Variants in DNAH10 observed in about 807,000 individuals in gnomAD.
DNAH10 encodes the protein dynein axonemal heavy chain 10.
In DNAH10, 348 loss-of-function variants were observed where a neutral mutation model predicts 506.6. The observed-to-expected ratio is 0.69, with a 90% CI of 0.63 to 0.75. DNAH10 has a LOEUF of 0.75. Ranked by LOEUF, DNAH10 falls within the 30% of genes least tolerant of loss-of-function variation. The pLI, the probability that DNAH10 is intolerant of heterozygous loss-of-function variation, is 0.00. For missense variants in DNAH10, 5,179 were observed against 5,787.1 expected, an observed-to-expected ratio of 0.89 and a Z score of 3.41; for synonymous variants, 2,059 against 2,198.6, an observed-to-expected ratio of 0.94 and a Z score of 1.78.
At chr12:123,797,171 C>T (rs1255766435) in intron 13 of DNAH10, among the ~76,000 whole-genome samples, 1 of 152,026 alleles carries the variant, frequency 6.6e-6, no homozygotes, top group Non-Finnish European at 1.5e-5. Flanking sequence ...GCACCCGGCC[C>T]TGTATTTAAT....
chr12:123,879,305 A>T lies in DNAH10; in HGVS notation c.8414A>T (p.Glu2805Val). ...CAGATGGTGAGAGTCTGGAGGAATG[A>T]GTGTCTGAGAGTCTTCCACGACCGG... Reference protein sequence around the residue: ...VAQMVRVWRNECLRVFHDRLI... With the variant: ...VAQMVRVWRNVCLRVFHDRLI... Residue 2805 changes from glutamate to valine, a missense_variant, in exon 49 of 79, where the codon GAG becomes GTG. This residue lies in a region of DNAH10 where 4,844 missense variants were observed against 5,430.5 expected (regional missense o/e 0.89). Coordinates refer to ENST00000673944, the MANE Select transcript of DNAH10 (RefSeq NM_001372106.1). 1 of 1,580,208 alleles carries T rather than the reference A, an allele frequency of 6.3e-7. No homozygotes were observed. The highest frequency in any genetic ancestry group is 8.6e-7 in the Non-Finnish European group (1 of 1,162,552).
intron 5 of DNAH10, 71 bp from the exon 6 acceptor site, chr12:123,781,009 A>C (rs1171869413): frequency 8.3e-7 from 1 of 1,207,608 alleles, no homozygotes; most frequent in African/African-American, 1.6e-5. Flanking sequence ...ATTCAAAACC[A>C]GAGGCAATTT....
At position 123,876,370 on chromosome 12, in the gene DNAH10, C is replaced by T. The variant is rs141811474; in HGVS notation, c.8199+879C>T. Reference sequence around the variant, plus strand: ...AAATCAGGCCCGGTGCAGTGGCTCACGCCTGTAATCCCAGCACTTTGGGAG... The same window carrying T: ...AAATCAGGCCCGGTGCAGTGGCTCATGCCTGTAATCCCAGCACTTTGGGAG... On this transcript the variant is annotated intron_variant, in intron 47 of 78. Transcript: ENST00000673944. Among the ~76,000 whole-genome samples the T allele has an allele frequency of 9.2e-3, 1,398 of 152,256 alleles. 17 individuals carry two copies. Among genetic ancestry groups the T allele is most frequent in the African/African-American group, 0.032 (1,315 of 41,508 alleles).
intron 1 of DNAH10, among the ~76,000 whole-genome samples, chr12:123,766,915 T>C (rs372165142): frequency 3.0e-5 from 4 of 131,560 alleles, no homozygotes; most frequent in Admixed American, 7.6e-5. Context: ...TTTCTTTTTT[T>C]TTTTTTTTGA....
At chr12:123,838,392 C>T (rs1961406176) in intron 28 of DNAH10, 64 bp from the exon 29 acceptor site, 3 of 1,467,392 alleles carry the variant, frequency 2.0e-6, no homozygotes, top group South Asian at 1.2e-5. Flanking sequence ...GTTCTGGGCT[C>T]AAGAACAGTG....
chr12:123,766,957 G>C (rs983845296), intron 1 of DNAH10, among the ~76,000 whole-genome samples: 1 of 149,178 alleles, frequency 6.7e-6, no homozygotes, highest in African/African-American at 2.5e-5. Flanking sequence ...CCAGGCTGGA[G>C]TGCAGTGGTG....
chr12:123,922,927 A>C (rs1954791854), intron 65 of DNAH10: 1 of 152,208 alleles, frequency 6.6e-6, no homozygotes, highest in African/African-American at 2.4e-5. Context: ...CAACATAGGA[A>C]GTTTGGAGAA....
chr12:123,803,803 T>C lies in DNAH10; in HGVS notation c.2757T>C (p.Ala919=). 6.2e-7 allele frequency: 1 copy of C among 1,611,474 alleles called. No individual in the cohort carries two copies. The highest frequency in any genetic ancestry group is 8.5e-7 in the Non-Finnish European group (1 of 1,179,514). The part of the protein sequence containing the change: ...EAINLFKYPA[A]KSEEELPGVK... ...TAAATCTCTTTAAATATCCAGCCGC[T>C]AAAAGTGAGGAAGAACTCCCAGGTA... Residue 919 remains alanine (A), a synonymous_variant, in exon 17 of 79, where the codon GCT becomes GCC. Transcript: ENST00000673944.
rs756157338 is a variant in DNAH10 at position 123,930,554 on chromosome 12, T to A, written c.12765T>A (p.Asp4255Glu). ...KEVDYKIPVG[D>E]EKEKFVEAIE... Reference sequence around the variant, plus strand: ...TGGACTACAAAATCCCTGTTGGTGATGAAAAGGAGAAATTTGTTGGTGAGA... The same window carrying A: ...TGGACTACAAAATCCCTGTTGGTGAAGAAAAGGAGAAATTTGTTGGTGAGA... Residue 4255 changes from aspartate to glutamate, a missense_variant, in exon 73 of 79, where the codon GAT (aspartate) becomes GAA (glutamate). Coordinates refer to ENST00000673944, the MANE Select transcript of DNAH10 (RefSeq NM_001372106.1). 5 of 1,604,442 alleles carry A rather than the reference T, an allele frequency of 3.1e-6. No individual in the cohort carries two copies. The Admixed American group carries it at 5.3e-5, about 17-fold the overall frequency.
rs576175453 is a variant in DNAH10 at position 123,877,808 on chromosome 12, G to C, written c.8272G>C (p.Val2758Leu). Residue 2758 changes from valine to leucine, a missense_variant, in exon 48 of 79, where the codon GTG becomes CTG. This residue lies in a region of DNAH10 where 4,844 missense variants were observed against 5,430.5 expected (regional missense o/e 0.89). Coordinates refer to ENST00000673944, the MANE Select transcript of DNAH10 (RefSeq NM_001372106.1). Reference sequence around the variant, plus strand: ...CACGCTAGCACTTTACAAAAATATTGTGCAAGACCTACCTCCCACTCCGTC... The same window carrying C: ...CACGCTAGCACTTTACAAAAATATTCTGCAAGACCTACCTCCCACTCCGTC... ...FCTLALYKNI[V>L]QDLPPTPSKF... The C allele has an allele frequency of 8.1e-6, 13 of 1,613,760 alleles. No homozygotes were observed. In the Admixed American group the frequency reaches 1.7e-4, roughly 21 times the overall value.
chr12:123,861,580 G>C (rs1043965435), intron 39 of DNAH10, among the ~76,000 whole-genome samples: 2 of 152,230 alleles, frequency 1.3e-5, no homozygotes, highest in African/African-American at 4.8e-5. Context: ...GGAAAGTGCA[G>C]GAATGCCCTC....
In DNAH10 at chr12:123,808,866, G is replaced by A. The variant is rs78301653; in HGVS notation, c.3057G>A (p.Thr1019=). 26,556 of 1,614,042 alleles carry A rather than the reference G, an allele frequency of 0.016. 278 individuals are homozygous for A. The highest frequency in any genetic ancestry group is 0.019 in the Non-Finnish European group (22,174 of 1,179,988). The stretch of plus-strand genomic sequence containing the variant: ...TGTTCCACACTGAAACCATTCTGAC[G>A]GCACCTGAGATCATCCTTCATCCCA... ...VPLFHTETIL[T]APEIILHPNT... is the part of the protein sequence containing the mutation. The change falls in exon 19 of 79, where the codon ACG becomes ACA. Residue 1019 remains threonine, a synonymous_variant. Coordinates refer to ENST00000673944, the MANE Select transcript of DNAH10 (RefSeq NM_001372106.1).
At position 123,857,196 on chromosome 12, in the gene DNAH10, T is replaced by G; in HGVS notation, c.6579T>G (p.Asp2193Glu). ...GCGTCCGCTACCCTGACTTCAACGA[T>G]GCGGTAGAGCAGGTCCTGGAGGAGA... ...CPRVRYPDFN[D>E]AVEQVLEENG... Residue 2193 changes from aspartate (D) to glutamate (E), a missense_variant, in exon 37 of 79, where the codon GAT becomes GAG. Transcript: ENST00000673944. 6.2e-7 allele frequency: 1 copy of G among 1,609,382 alleles called. No homozygotes were observed. The highest frequency in any genetic ancestry group is 8.5e-7 in the Non-Finnish European group (1 of 1,177,852).
intron 24 of DNAH10, among the ~76,000 whole-genome samples, chr12:123,821,867 G>A (rs561731952): frequency 6.6e-5 from 10 of 152,038 alleles, no homozygotes; most frequent in East Asian, 1.9e-4. Context: ...CCAGGAGTTC[G>A]AGACTAGCCT....
Position 123,785,748 on chromosome 12 carries a change from C to G in DNAH10, c.1233C>G (p.Asn411Lys). Residue 411 changes from asparagine (N) to lysine (K), a missense_variant and splice_region_variant, in exon 9 of 79, where the codon AAC becomes AAG. Around this residue, in one of 3 missense-constraint regions of DNAH10, gnomAD observed 4,844 missense variants for 5,430.5 expected, o/e 0.89. Transcript: ENST00000673944. This position sits in a 1 kb window ranked among gnomAD's most constrained non-coding sequence, Gnocchi z 4.1. ...TGGCTCTCTCCTCTCTTGGTCAGAA[C>G]ATAACGCACGGGTCTGGCTTCCACG... ...FLSTVERYFK[N>K]ITHGSGFHVV... 1 of 1,607,806 alleles carries G rather than the reference C, an allele frequency of 6.2e-7. No individual in the cohort carries two copies. Among genetic ancestry groups the G allele is most frequent in the South Asian group, 1.1e-5 (1 of 90,682 alleles).
intron 2 of DNAH10, among the ~76,000 whole-genome samples, chr12:123,767,981 G>A (rs1957110890): frequency 6.6e-6 from 1 of 152,136 alleles, no homozygotes; most frequent in African/African-American, 2.4e-5. Flanking sequence ...CAGGACCAAG[G>A]GGAGGATCCT....
At chr12:123,774,002 A>G (rs1028753205) in intron 4 of DNAH10, 147 bp from the exon 5 acceptor site, 21 of 607,894 alleles carry the variant, frequency 3.5e-5, no homozygotes, top group Middle Eastern at 5.2e-4. Context: ...ATTTGTTTAA[A>G]CACAAATAGG....
At chr12:123,831,491 A>G (rs574083480) in intron 26 of DNAH10, among the ~76,000 whole-genome samples, 67 of 152,328 alleles carry the variant, frequency 4.4e-4, no homozygotes, top group African/African-American at 1.0e-3. Flanking sequence ...CACCTAGGCT[A>G]TTGGGTAGAA....
At chr12:123,934,035 T>G (rs1955348136) in intron 77 of DNAH10, 1 of 517,840 alleles carries the variant, frequency 1.9e-6, no homozygotes. Flanking sequence ...CAAAAGCTCT[T>G]TTGAGATGGC....
Sources: gnomAD v4.1 joint callset for allele counts (sites outside exome capture counted in the v4.1 genomes callset) on GRCh38, gnomAD v4.1.1 for gene constraint, gnomAD v4.1.1 regional missense constraint, Gnocchi (gnomAD v3.1) non-coding constraint, MANE v1.5 for transcripts, NCBI Gene and HGNC (gene_info 2026-07-23, HGNC 2026-07-21) for gene names.